The following PLEK variants were observed in gnomAD, a reference collection of about 807,000 sequenced individuals.
PLEK encodes pleckstrin.
A neutral mutation model predicts 43.9 loss-of-function variants in PLEK; 25 were observed. That is an observed-to-expected ratio of 0.57 (90% confidence interval 0.41 to 0.79). The LOEUF is 0.79. PLEK is among the 30% of genes least tolerant of loss of function. The probability of loss-of-function intolerance (pLI) is 0.00; values close to 1 mark genes in which losing one functional copy is unlikely to be tolerated. For synonymous variants in PLEK, 152 were observed against 144.4 expected (o/e 1.05, Z -0.38); for missense variants, 396 against 413.3 (o/e 0.96, Z 0.36).
chr2:68,382,428 G>C lies in PLEK; in HGVS notation c.381-114G>C, dbSNP rs375422289. On this transcript the variant is annotated intron_variant, in intron 3 of 8. Coordinates refer to ENST00000234313, the MANE Select transcript of PLEK (RefSeq NM_002664.3). ...ATTAAGCTCAGGGGATACCTGGGGT[G>C]GGGGAGCTTGTGCTCACCTCCCAGA... 192 of 637,200 alleles carry C rather than the reference G, an allele frequency of 3.0e-4. 1 individual carries two copies. The highest frequency in any genetic ancestry group is 2.0e-3 in the African/African-American group (107 of 54,802). 39.5% of individuals were successfully genotyped at this position (637,200 alleles called of 1,614,324 possible). A position where few individuals can be genotyped will look rare whatever the true frequency, so the allele number is the denominator to read the frequency against.
Position 68,395,695 on chromosome 2 carries a change from A to G in PLEK, c.932A>G (p.Glu311Gly). The G allele has an allele frequency of 2.5e-6, 4 of 1,614,058 alleles. No homozygotes were observed. Among genetic ancestry groups the G allele is most frequent in the Non-Finnish European group, 3.4e-6 (4 of 1,179,972 alleles). ...CTTTCCCCAGGCAGGAAGAGTGAGGAAGAGAACCTTTTTGAGATCATCACA... is the reference window on the plus strand; with the variant it reads ...CTTTCCCCAGGCAGGAAGAGTGAGGGAGAGAACCTTTTTGAGATCATCACA... ...ESNSNGRKSEEENLFEIITAD... is the reference protein window; with the variant it reads ...ESNSNGRKSEGENLFEIITAD... Residue 311 changes from glutamate (E) to glycine (G), a missense_variant, in exon 9 of 9, where the codon GAA (glutamate) becomes GGA (glycine). Physicochemically the swap from Glu to Gly is moderately conservative, Grantham distance 98. Coordinates refer to ENST00000234313, the MANE Select transcript of PLEK (RefSeq NM_002664.3).
chr2:68,394,183 T>C lies in PLEK; in HGVS notation c.916+7T>C. On this transcript the variant is annotated splice_region_variant and intron_variant, in intron 8 of 8. Coordinates refer to ENST00000234313, the MANE Select transcript of PLEK (RefSeq NM_002664.3). ...GTGGAGAGCAACTCAAATGGTAAGA[T>C]GAATTTCTGTGTGAGAGAGGTGGGT... is the stretch of plus-strand genomic sequence containing the variant. 6.4e-7 allele frequency: 1 copy of C among 1,568,442 alleles called. No homozygotes were observed. Among genetic ancestry groups the C allele is most frequent in the Middle Eastern group, 1.7e-4 (1 of 5,972 alleles).
At position 68,393,233 on chromosome 2, in the gene PLEK, T is replaced by C. The variant is rs375193206; in HGVS notation, c.834T>C (p.Tyr278=). 4.5e-5 allele frequency: 72 copies of C among 1,605,734 alleles called. No individual in the cohort carries two copies. The highest frequency in any genetic ancestry group is 5.8e-5 in the Non-Finnish European group (68 of 1,172,428). Residue 278 remains tyrosine, a synonymous_variant, in exon 7 of 9, where the codon TAT becomes TAC. Transcript: ENST00000234313. ...AAGACCCTGCCTACCTGCACTACTA[T>C]GACCCTGCTGGGGTAAGGTCCTGTG... The part of the protein sequence containing the change: ...LREDPAYLHY[Y]DPAGAEDPLG...
At chr2:68,366,624 T>G (rs1673279530) in intron 1 of PLEK, among the ~76,000 whole-genome samples, 1 of 152,212 alleles carries the variant, frequency 6.6e-6, no homozygotes, top group African/African-American at 2.4e-5. Context: ...GAGCTATGAG[T>G]TGGTACTGGA....
intron 6 of PLEK, among the ~76,000 whole-genome samples, chr2:68,389,430 G>A (rs2103782184): frequency 6.6e-6 from 1 of 152,282 alleles, no homozygotes; most frequent in South Asian, 2.1e-4. Context: ...ACGGGACTGG[G>A]GGATCTGATT....
At chr2:68,390,027 C>T (rs1191669168) in intron 6 of PLEK, among the ~76,000 whole-genome samples, 1 of 76,374 alleles carries the variant, frequency 1.3e-5, no homozygotes, top group Non-Finnish European at 2.3e-5. Context: ...CTTGGAAAGC[C>T]AAGGATGAAG....
At chr2:68,393,023 G>T in intron 6 of PLEK, 139 bp from the exon 7 acceptor site, 1 of 699,310 alleles carries the variant, frequency 1.4e-6, no homozygotes, top group Admixed American at 2.1e-5. Flanking sequence ...CCTAGGCCGG[G>T]ATATTGTTAT....
intron 1 of PLEK, among the ~76,000 whole-genome samples, chr2:68,377,286 C>A (rs1387820905): frequency 5.9e-5 from 9 of 152,120 alleles, no homozygotes; most frequent in Admixed American, 3.9e-4. Flanking sequence ...GTATATACCC[C>A]CCAGTGAGAT....
At chr2:68,391,027 C>T (rs1166462169) in intron 6 of PLEK, among the ~76,000 whole-genome samples, 2 of 152,146 alleles carry the variant, frequency 1.3e-5, no homozygotes, top group African/African-American at 4.8e-5. Context: ...AGTTCAGCAT[C>T]CTTCTTGATT....
At chr2:68,393,064 T>C in intron 6 of PLEK, 98 bp from the exon 7 acceptor site, 2 of 810,640 alleles carry the variant, frequency 2.5e-6, no homozygotes, top group Non-Finnish European at 4.4e-6. Context: ...TTCTCTTTCT[T>C]TTCTCAATTC....
chr2:68,390,296 G>A (rs564508120), intron 6 of PLEK, among the ~76,000 whole-genome samples: 1 of 152,226 alleles, frequency 6.6e-6, no homozygotes, highest in Non-Finnish European at 1.5e-5. Flanking sequence ...TGCATGCCAG[G>A]CCAATTTAAT....
rs10572542 is a variant in PLEK at position 68,396,147 on chromosome 2, TA to T, written c.*345del. ...GTAGATTCCTGAGGTCCCCCTAGCT[TA>T]AAAAAAAAAAAAATCTGCCCCATGA... On this transcript the variant is annotated 3_prime_UTR_variant, in exon 9 of 9. Coordinates refer to ENST00000234313, the MANE Select transcript of PLEK (RefSeq NM_002664.3). 0.3 allele frequency: 55,934 copies of T among 186,560 alleles called. 8,195 individuals are homozygous for T. Among genetic ancestry groups the T allele is most frequent in the East Asian group, 0.61 (4,476 of 7,346 alleles). The allele number at this position is 186,560 out of a possible 1,614,324, so 11.6% of individuals were successfully genotyped here. A position where few individuals can be genotyped will look rare whatever the true frequency, so the allele number is the denominator to read the frequency against.
intron 8 of PLEK, among the ~76,000 whole-genome samples, chr2:68,394,710 G>T (rs13010285): frequency 0.28 from 42,092 of 152,084 alleles, 6,174 homozygotes; most frequent in Middle Eastern, 0.41. Flanking sequence ...CACAATGGCT[G>T]AGAAGAAGAG....
At chr2:68,395,392 GT>G (rs1251696813) in intron 8 of PLEK, among the ~76,000 whole-genome samples, 1 of 151,912 alleles carries the variant, frequency 6.6e-6, no homozygotes, top group African/African-American at 2.4e-5. Context: ...GAGAAATTTA[GT>G]TTGCCTGTAA....
chr2:68,380,362 T>C lies in PLEK; in HGVS notation c.77T>C (p.Val26Ala). The C allele has an allele frequency of 1.2e-6, 2 of 1,613,294 alleles. No individual in the cohort carries two copies. The highest frequency in any genetic ancestry group is 1.7e-6 in the Non-Finnish European group (2 of 1,179,388). The change falls in exon 2 of 9, where the codon GTT (valine) becomes GCT (alanine). Residue 26 changes from valine to alanine, a missense_variant. Val to Ala is a moderately conservative substitution (Grantham distance 64). Coordinates refer to ENST00000234313, the MANE Select transcript of PLEK (RefSeq NM_002664.3). ...SVFNTWKPMWVVLLEDGIEFY... is the reference protein window; with the variant it reads ...SVFNTWKPMWAVLLEDGIEFY... ...TTCAATACGTGGAAACCCATGTGGG[T>C]TGTATTGTTAGAAGATGGAATTGAA...
chr2:68,390,161 A>G (rs1423600085), intron 6 of PLEK, among the ~76,000 whole-genome samples: 2 of 152,214 alleles, frequency 1.3e-5, no homozygotes, highest in African/African-American at 2.4e-5. Flanking sequence ...TTTGAAGACA[A>G]TAGGGACAAG....
At chr2:68,366,003 TA>T (rs1558494083) in intron 1 of PLEK, among the ~76,000 whole-genome samples, 1 of 152,154 alleles carries the variant, frequency 6.6e-6, no homozygotes, top group Admixed American at 6.5e-5. Flanking sequence ...AAGATTAGGG[TA>T]CTGAAAAAGG....
At chr2:68,366,550 C>A (rs1185400524) in intron 1 of PLEK, among the ~76,000 whole-genome samples, 2 of 152,214 alleles carry the variant, frequency 1.3e-5, no homozygotes, top group Admixed American at 6.5e-5. Flanking sequence ...TTGTTCATTA[C>A]TCCAGCATTT....
chr2:68,385,788 C>T (rs1357437798), intron 4 of PLEK, among the ~76,000 whole-genome samples: 3 of 152,220 alleles, frequency 2.0e-5, no homozygotes, highest in Non-Finnish European at 2.9e-5. Context: ...CAGCCCTCTT[C>T]TCTCACCTCC....
Sources: allele counts gnomAD v4.1 joint callset (sites outside exome capture counted in the v4.1 genomes callset), GRCh38; gene constraint gnomAD v4.1.1; transcripts MANE v1.5; gene names NCBI Gene and HGNC (gene_info 2026-07-23, HGNC 2026-07-21).